Variants in GABRR2 observed in about 807,000 individuals in gnomAD.
The protein encoded by GABRR2 is gamma-aminobutyric acid receptor subunit rho-2.
A neutral mutation model predicts 47.0 loss-of-function variants in GABRR2; 36 were observed. That is an observed-to-expected ratio of 0.77 (90% CI 0.59 to 1.01). The LOEUF is 1.01. Among genes scored for constraint, GABRR2 ranks in the 50% least tolerant of loss-of-function variants. GABRR2 has a pLI of 0.00. For missense variants in GABRR2, 587 were observed against 594.6 expected (o/e 0.99, Z 0.13); for synonymous variants, 204 against 227.5 (o/e 0.90, Z 0.93).
intron 1 of GABRR2, among the ~76,000 whole-genome samples, chr6:89,309,565 C>T (rs1473528461): frequency 6.6e-6 from 1 of 152,110 alleles, no homozygotes; most frequent in African/African-American, 2.4e-5. Context: ...TTAAACATTT[C>T]CTTTTTTAAA....
intron 1 of GABRR2, among the ~76,000 whole-genome samples, chr6:89,303,648 A>T (rs1251767497): frequency 6.0e-5 from 2 of 33,456 alleles, no homozygotes; most frequent in South Asian, 1.1e-3. Context: ...CTTAAGGAGG[A>T]AAAAAAAAAA....
intron 3 of GABRR2, among the ~76,000 whole-genome samples, chr6:89,270,005 C>T (rs961369806): frequency 2.0e-5 from 3 of 152,098 alleles, no homozygotes; most frequent in Admixed American, 6.6e-5. Context: ...GGAAAGAGTT[C>T]GTGGTTGTGG....
chr6:89,267,628 C>CAAG, intron 6 of GABRR2, 51 bp downstream of exon 6: 2 of 1,550,226 alleles, frequency 1.3e-6, no homozygotes, highest in Non-Finnish European at 1.7e-6. Context: ...AAGAAGAATT[C>CAAG]AAATGTGCTT....
intron 2 of GABRR2, among the ~76,000 whole-genome samples, chr6:89,296,792 T>TA (rs748294428): frequency 2.1e-4 from 32 of 152,244 alleles, no homozygotes; most frequent in Admixed American, 1.3e-4. Flanking sequence ...AGTCAGGGTT[T>TA]CTGGGAACAT....
At chr6:89,263,777 C>T (rs1237379640) in intron 8 of GABRR2, among the ~76,000 whole-genome samples, 2 of 152,232 alleles carry the variant, frequency 1.3e-5, no homozygotes, top group Non-Finnish European at 2.9e-5. Flanking sequence ...CCCACCTCGG[C>T]CTCCCAAAGT....
chr6:89,281,284 G>C (rs912790513), intron 2 of GABRR2, among the ~76,000 whole-genome samples: 16 of 152,334 alleles, frequency 1.1e-4, no homozygotes, highest in South Asian at 1.0e-3. Flanking sequence ...ACACATCACA[G>C]AAGTGAAAAA....
At chr6:89,302,351 T>A in intron 1 of GABRR2, 1 of 564,632 alleles carries the variant, frequency 1.8e-6, no homozygotes, top group South Asian at 1.4e-5. Flanking sequence ...CACCAGCTGG[T>A]GGAGAATACA....
chr6:89,290,102 G>A (rs1774411569), intron 2 of GABRR2, among the ~76,000 whole-genome samples: 1 of 152,184 alleles, frequency 6.6e-6, no homozygotes, highest in South Asian at 2.1e-4. Flanking sequence ...CAGCATTTTA[G>A]AGACCCTGTC....
At chr6:89,290,710 G>A (rs928358769) in intron 2 of GABRR2, among the ~76,000 whole-genome samples, 2 of 152,242 alleles carry the variant, frequency 1.3e-5, no homozygotes, top group Admixed American at 6.5e-5. Flanking sequence ...GAAAGTGCCA[G>A]TCGGTATCAG....
chr6:89,281,421 C>T (rs1304415118), intron 2 of GABRR2, among the ~76,000 whole-genome samples: 3 of 152,182 alleles, frequency 2.0e-5, no homozygotes, highest in South Asian at 2.1e-4. Context: ...GCATCACCAA[C>T]GGGCTGCATT....
intron 2 of GABRR2, among the ~76,000 whole-genome samples, chr6:89,272,472 C>T (rs1562362943): frequency 6.6e-6 from 1 of 152,170 alleles, no homozygotes; most frequent in Non-Finnish European, 1.5e-5. Context: ...GTGAGTGGTA[C>T]ACTTACAATG....
rs1019884247 is a variant in GABRR2 at position 89,255,533 on chromosome 6, T to C, written c.*2137A>G. Among the ~76,000 whole-genome samples, 1 of 152,162 alleles carries C rather than the reference T, an allele frequency of 6.6e-6. No homozygotes were observed. The highest frequency in any genetic ancestry group is 2.4e-5 in the African/African-American group (1 of 41,424). Reference sequence around the variant, plus strand: ...TTTGTTCTTCATTGGTCTGTGAGACTGGGAAATCTAGTAGTCTTGGGTCCA... The same window carrying C: ...TTTGTTCTTCATTGGTCTGTGAGACCGGGAAATCTAGTAGTCTTGGGTCCA... On this transcript the variant is annotated 3_prime_UTR_variant, in exon 9 of 9. Coordinates refer to ENST00000402938, the MANE Select transcript of GABRR2 (RefSeq NM_002043.5).
chr6:89,260,424 A>C (rs187052784), intron 8 of GABRR2, among the ~76,000 whole-genome samples: 14 of 152,312 alleles, frequency 9.2e-5, no homozygotes, highest in African/African-American at 2.9e-4. Context: ...TGTTTCCCAG[A>C]TTGGCTTGCT....
chr6:89,314,248 T>C (rs902040003), intron 1 of GABRR2, among the ~76,000 whole-genome samples: 29 of 152,232 alleles, frequency 1.9e-4, no homozygotes, highest in African/African-American at 5.5e-4. Context: ...TGATGCTTAG[T>C]AGAATGGAAA....
chr6:89,271,159 G>A (rs191106433), intron 3 of GABRR2, among the ~76,000 whole-genome samples: 66 of 152,268 alleles, frequency 4.3e-4, no homozygotes, highest in Admixed American at 1.8e-3. Flanking sequence ...CTGGGGCCCT[G>A]GGGTGGGGGG....
intron 1 of GABRR2, among the ~76,000 whole-genome samples, chr6:89,308,404 C>T (rs1767610301): frequency 6.6e-6 from 1 of 152,176 alleles, no homozygotes; most frequent in Non-Finnish European, 1.5e-5. Context: ...TCGATAGCCC[C>T]ATGCAGCTCG....
At chr6:89,277,862 C>T (rs943230973) in intron 2 of GABRR2, among the ~76,000 whole-genome samples, 17 of 1,508 alleles carry the variant, frequency 0.011, no homozygotes, top group South Asian at 0.062. Flanking sequence ...CAGTGGTGGG[C>T]GGGGGTGGGG....
At position 89,302,964 on chromosome 6, in the gene GABRR2, G is replaced by A. The variant is rs1041482734; in HGVS notation, c.114-3099C>T. 1.2e-5 allele frequency: 15 copies of A among 1,283,896 alleles called. No individual in the cohort carries two copies. The African/African-American group carries it at 1.8e-4, about 16-fold the overall frequency. The allele number at this position is 1,283,896 out of a possible 1,614,324, so 79.5% of individuals were successfully genotyped here. A position where few individuals can be genotyped will look rare whatever the true frequency, so the allele number is the denominator to read the frequency against. On this transcript the variant is annotated intron_variant, in intron 1 of 8. Coordinates refer to ENST00000402938, the MANE Select transcript of GABRR2 (RefSeq NM_002043.5). ...CCTTCCTACACTGGTACATGGGCAA[G>A]GGCATGGACGAGATGGAGATCACCG...
chr6:89,265,521 A>G (rs775882140), intron 7 of GABRR2, 92 bp downstream of exon 7: 2 of 1,393,948 alleles, frequency 1.4e-6, no homozygotes, highest in Non-Finnish European at 1.9e-6. Context: ...CTCATCAGTT[A>G]AGAAGTCTAA....
Sources: allele counts gnomAD v4.1 joint callset (sites outside exome capture counted in the v4.1 genomes callset), GRCh38; gene constraint gnomAD v4.1.1; transcripts MANE v1.5; gene names NCBI Gene and HGNC (gene_info 2026-07-23, HGNC 2026-07-21).